The following TSNARE1 variants were observed in gnomAD, a reference collection of about 807,000 sequenced individuals.
The protein encoded by TSNARE1 is t-SNARE domain containing 1.
Under a neutral mutation model 62.0 loss-of-function variants are expected in TSNARE1, and 49 were observed. That is an observed-to-expected ratio of 0.79 (90% CI 0.63 to 1.00). The LOEUF is 1.00. TSNARE1 is among the 50% of genes least tolerant of loss of function. The pLI is 0.00. For synonymous variants in TSNARE1, 328 were observed against 294.4 expected (o/e 1.11, Z -1.17); for missense variants, 755 against 700.1 (o/e 1.08, Z -0.88).
At chr8:142,347,274 G>A (rs991403419) in intron 2 of TSNARE1, among the ~76,000 whole-genome samples, 4 of 152,254 alleles carry the variant, frequency 2.6e-5, no homozygotes, top group Admixed American at 2.6e-4. Flanking sequence ...GCAGCCTGGA[G>A]ACAGACACTG....
intron 2 of TSNARE1, among the ~76,000 whole-genome samples, chr8:142,349,604 C>T (rs1833829504): frequency 6.6e-6 from 1 of 152,318 alleles, no homozygotes; most frequent in Non-Finnish European, 1.5e-5. Flanking sequence ...ACTGCCAGGT[C>T]TCTGTCGATA....
At position 142,249,141 on chromosome 8, in the gene TSNARE1, C is replaced by T. The variant is rs567151359; in HGVS notation, c.1447-19562G>A. Among the ~76,000 whole-genome samples the T allele has an allele frequency of 1.2e-4, 19 of 152,394 alleles. 1 individual carries two copies. Among genetic ancestry groups the T allele is most frequent in the South Asian group, 4.1e-4 (2 of 4,830 alleles). Reference sequence around the variant, plus strand: ...GCCCCTTCCTCACGGGGCCACGCTACGACTCTGCCATTGGCTTGACCCCAA... The same window carrying T: ...GCCCCTTCCTCACGGGGCCACGCTATGACTCTGCCATTGGCTTGACCCCAA... On this transcript the variant is annotated intron_variant, in intron 12 of 13. Coordinates refer to ENST00000524325, the MANE Select transcript of TSNARE1 (RefSeq NM_145003.5).
intron 12 of TSNARE1, among the ~76,000 whole-genome samples, chr8:142,236,450 C>T (rs2130139126): frequency 6.6e-6 from 1 of 152,126 alleles, no homozygotes; most frequent in South Asian, 2.1e-4. Flanking sequence ...ATCCGCTGGG[C>T]ACCCTCCCTA....
intron 2 of TSNARE1, among the ~76,000 whole-genome samples, chr8:142,346,320 C>G (rs945051133): frequency 6.6e-6 from 1 of 152,236 alleles, no homozygotes; most frequent in Non-Finnish European, 1.5e-5. Context: ...AGTGCCACTC[C>G]GTAGCGTATG....
chr8:142,229,523 A>C lies in TSNARE1; in HGVS notation c.1503T>G (p.Leu501=). Residue 501 remains leucine, a synonymous_variant, in exon 13 of 14, where the codon CTT becomes CTG. Coordinates refer to ENST00000524325, the MANE Select transcript of TSNARE1 (RefSeq NM_145003.5). ...AGGTGGCGATGATGATGATGATGAC[A>C]AGCAGGGCAGTGACTCCAGCTGATA... ...CFLSAGVTAL[L]VIIIIIATSV... 1 of 1,614,100 alleles carries C rather than the reference A, an allele frequency of 6.2e-7. No individual in the cohort carries two copies. Among genetic ancestry groups the C allele is most frequent in the South Asian group, 1.1e-5 (1 of 91,082 alleles).
intron 1 of TSNARE1, among the ~76,000 whole-genome samples, chr8:142,389,554 G>A (rs966620457): frequency 1.3e-5 from 2 of 152,162 alleles, no homozygotes; most frequent in Admixed American, 6.5e-5. Context: ...GGAAAAGATC[G>A]AAAGTCACCT....
intron 1 of TSNARE1, among the ~76,000 whole-genome samples, chr8:142,395,819 G>A (rs1197388288): frequency 6.6e-6 from 1 of 152,208 alleles, no homozygotes; most frequent in African/African-American, 2.4e-5. Flanking sequence ...TTAGCACCGA[G>A]GGCAGCCAGC....
intron 1 of TSNARE1, among the ~76,000 whole-genome samples, chr8:142,380,135 G>A (rs547514194): frequency 7.2e-5 from 11 of 152,316 alleles, no homozygotes; most frequent in East Asian, 5.8e-4. Flanking sequence ...GGCGTACCAC[G>A]TCACCAGGCA....
At chr8:142,399,892 G>A (rs951661625) in intron 1 of TSNARE1, among the ~76,000 whole-genome samples, 16 of 152,170 alleles carry the variant, frequency 1.1e-4, no homozygotes, top group African/African-American at 3.4e-4. Flanking sequence ...ACGCCCGTGT[G>A]CATTAAAACA....
At chr8:142,332,518 A>G (rs1217878457) in intron 4 of TSNARE1, among the ~76,000 whole-genome samples, 1 of 152,204 alleles carries the variant, frequency 6.6e-6, no homozygotes, top group East Asian at 1.9e-4. Flanking sequence ...ACACTGAGCT[A>G]TATGCTTTAA....
chr8:142,274,558 G>A lies in TSNARE1; in HGVS notation c.1446+223C>T, dbSNP rs928071357. 6 of 985,316 alleles carry A rather than the reference G, an allele frequency of 6.1e-6. No individual in the cohort carries two copies. The African/African-American group carries it at 7.0e-5, about 11-fold the overall frequency. The allele number at this position is 985,316 out of a possible 1,614,324, so 61.0% of individuals were successfully genotyped here. A position where few individuals can be genotyped will look rare whatever the true frequency, so the allele number is the denominator to read the frequency against. On this transcript the variant is annotated intron_variant, in intron 12 of 13. Transcript: ENST00000524325. ...GCGTGGTGCATACAAGAGAGGAGAC[G>A]GTGCCGACCGCTGTGGGCACCACGC...
At chr8:142,224,520 G>A (rs887552413) in intron 13 of TSNARE1, among the ~76,000 whole-genome samples, 5 of 152,356 alleles carry the variant, frequency 3.3e-5, no homozygotes, top group South Asian at 2.1e-4. Flanking sequence ...GATGAGTGAG[G>A]CTGGCTGGGT....
At chr8:142,278,802 G>A in intron 11 of TSNARE1, 2 of 985,466 alleles carry the variant, frequency 2.0e-6, no homozygotes, top group Non-Finnish European at 2.4e-6. Flanking sequence ...GCTTCCAAGT[G>A]GGCCCAGAGG....
rs547711539 is a variant in TSNARE1, at chr8:142,295,762, T to C, written c.1290+4724A>G. On this transcript the variant is annotated intron_variant, in intron 10 of 13. Transcript: ENST00000524325. ...GGTGTGCTTCCAGCTGGGCCGTCCA[T>C]TGCCCAGACTCAGGCTGGGAATGCT... 7.9e-5 allele frequency among the ~76,000 whole-genome samples: 12 copies of C among 152,046 alleles called. No individual in the cohort carries two copies. In the South Asian group the frequency reaches 1.9e-3, roughly 24 times the overall value.
At chr8:142,392,612 C>T (rs191400686) in intron 1 of TSNARE1, among the ~76,000 whole-genome samples, 10 of 152,274 alleles carry the variant, frequency 6.6e-5, no homozygotes, top group South Asian at 6.2e-4. Flanking sequence ...TTGACCAAAA[C>T]GTCCTTATGC....
At chr8:142,222,877 T>C (rs868018037) in intron 13 of TSNARE1, among the ~76,000 whole-genome samples, 72 of 75,590 alleles carry the variant, frequency 9.5e-4, no homozygotes, top group South Asian at 1.9e-3. Flanking sequence ...CTCATTCACT[T>C]ACTCATCCAC....
At chr8:142,308,244 T>C (rs1586707485) in intron 9 of TSNARE1, among the ~76,000 whole-genome samples, 1 of 152,322 alleles carries the variant, frequency 6.6e-6, no homozygotes, top group East Asian at 1.9e-4. Context: ...TCCTTTGCGG[T>C]TGGCACTTGT....
intron 10 of TSNARE1, among the ~76,000 whole-genome samples, chr8:142,299,328 C>T (rs983523561): frequency 6.6e-6 from 1 of 152,354 alleles, no homozygotes; most frequent in Non-Finnish European, 1.5e-5. Context: ...CAGGTACTAA[C>T]CCAGTGACTT....
intron 12 of TSNARE1, among the ~76,000 whole-genome samples, chr8:142,260,257 T>C (rs1586884339): frequency 6.6e-6 from 1 of 152,070 alleles, no homozygotes; most frequent in African/African-American, 2.4e-5. Flanking sequence ...CAAATCATGA[T>C]TTCAGCACAA....
Sources: allele counts gnomAD v4.1 joint callset (sites outside exome capture counted in the v4.1 genomes callset), GRCh38; gene constraint gnomAD v4.1.1; transcripts MANE v1.5; gene names NCBI Gene and HGNC (gene_info 2026-07-23, HGNC 2026-07-21).